Variants in TNNI3K observed in about 807,000 individuals in gnomAD.
TNNI3K encodes serine/threonine-protein kinase TNNI3K.
Under a neutral mutation model 114.5 loss-of-function variants are expected in TNNI3K, and 140 were observed. The observed-to-expected ratio is 1.22, with a 90% confidence interval of 1.07 to 1.41. TNNI3K has a LOEUF of 1.41. Among genes scored for constraint, TNNI3K ranks in the 40% most tolerant of loss-of-function variants. The pLI, the probability that TNNI3K is intolerant of heterozygous loss-of-function variation, is 0.00. For missense variants in TNNI3K, 1,125 were observed against 1,007.6 expected (o/e 1.12, Z -1.58); for synonymous variants, 347 against 347.5 (o/e 1.00, Z 0.02).
chr1:74,368,455 A>G (rs1570531991), intron 13 of TNNI3K, among the ~76,000 whole-genome samples: 1 of 152,018 alleles, frequency 6.6e-6, no homozygotes, highest in Non-Finnish European at 1.5e-5. Flanking sequence ...AATTCCAAAT[A>G]GTTTCCTTAG....
intron 17 of TNNI3K, among the ~76,000 whole-genome samples, chr1:74,431,229 G>A (rs1352492158): frequency 6.6e-6 from 1 of 152,044 alleles, no homozygotes; most frequent in African/African-American, 2.4e-5. Context: ...CACAGGACTA[G>A]TAACAGCAAA....
At chr1:74,534,488 T>C (rs1183699725) in intron 23 of TNNI3K, among the ~76,000 whole-genome samples, 1 of 152,106 alleles carries the variant, frequency 6.6e-6, no homozygotes, top group African/African-American at 2.4e-5. Context: ...AGGCTGTAGT[T>C]TGGAAGCCAC....
intron 19 of TNNI3K, chr1:74,439,157 TA>T (rs1029827088): frequency 1.1e-5 from 2 of 181,198 alleles, no homozygotes; most frequent in Non-Finnish European, 2.3e-5. Context: ...TTTATAGATT[TA>T]AAAAAATAAT....
intron 20 of TNNI3K, among the ~76,000 whole-genome samples, chr1:74,451,683 T>TTTTCTTTTCTTTTCCTTTC (rs1553148031): frequency 1.3e-5 from 1 of 76,216 alleles, no homozygotes; most frequent in Non-Finnish European, 2.8e-5. Context: ...TTTTCTTTTC[T>TTTTCTTTTCTTTTCCTTTC]TTTCTTTCTT....
intron 20 of TNNI3K, among the ~76,000 whole-genome samples, chr1:74,452,780 C>A (rs1368076060): frequency 1.3e-5 from 2 of 152,110 alleles, no homozygotes; most frequent in Non-Finnish European, 1.5e-5. Context: ...CCCTGCCTGC[C>A]TCCCCGGCCT....
chr1:74,509,541 C>T (rs1276410776), intron 23 of TNNI3K, among the ~76,000 whole-genome samples: 3 of 151,942 alleles, frequency 2.0e-5, no homozygotes, highest in Admixed American at 6.6e-5. Flanking sequence ...AAATCGTATA[C>T]TCTTTTCTTC....
chr1:74,516,302 T>G (rs566666715), intron 23 of TNNI3K, among the ~76,000 whole-genome samples: 1 of 152,302 alleles, frequency 6.6e-6, no homozygotes, highest in Admixed American at 6.5e-5. Flanking sequence ...CACTATTTAC[T>G]TGGATGGGGA....
intron 17 of TNNI3K, among the ~76,000 whole-genome samples, chr1:74,393,297 A>G (rs1420739558): frequency 6.6e-6 from 1 of 152,176 alleles, no homozygotes; most frequent in Non-Finnish European, 1.5e-5. Context: ...GAGCATAGAA[A>G]GGATTTGAAA....
intron 7 of TNNI3K, among the ~76,000 whole-genome samples, chr1:74,338,282 G>A (rs2034452): frequency 1 from 151,506 of 151,912 alleles, 75,552 homozygotes; most frequent in Middle Eastern, 1. Context: ...TTGGGAAAAA[G>A]AAAGCTTTAG....
intron 20 of TNNI3K, among the ~76,000 whole-genome samples, chr1:74,451,677 CTTTTCT>C (rs1667009679): frequency 2.9e-5 from 1 of 34,498 alleles, no homozygotes; most frequent in African/African-American, 1.0e-4. Flanking sequence ...CTTTTCTTTT[CTTTTCT>C]TTTCTTTCTT....
At chr1:74,490,980 TAAAGTGACTGTCTTGCTGCAAAATA>T (rs1669040646) in intron 22 of TNNI3K, among the ~76,000 whole-genome samples, 1 of 152,190 alleles carries the variant, frequency 6.6e-6, no homozygotes, top group Non-Finnish European at 1.5e-5. Context: ...AGTTAAAATA[TAAAGTGACTGTCTTGCTGCAAAATA>T]AAAGATATGA....
Position 74,436,096 on chromosome 1 carries a change from T to C in TNNI3K, c.1789T>C (p.Tyr597His), listed in dbSNP as rs199743346. 3 of 1,606,870 alleles carry C rather than the reference T, an allele frequency of 1.9e-6. No individual in the cohort carries two copies. The highest frequency in any genetic ancestry group is 1.7e-6 in the Non-Finnish European group (2 of 1,177,278). Residue 597 changes from tyrosine (Y) to histidine (H), a missense_variant, in exon 18 of 25, where the codon TAT becomes CAT. Transcript: ENST00000326637. ...TTTTTACAGTCACAATATTCTTCTC[T>C]ATGAGGATGGGCATGCTGTGGTGGC... is the stretch of plus-strand genomic sequence containing the variant. ...RDLNSHNILLYEDGHAVVADF... is the reference protein window; with the variant it reads ...RDLNSHNILLHEDGHAVVADF...
intron 4 of TNNI3K, among the ~76,000 whole-genome samples, chr1:74,254,584 T>G (rs1236815030): frequency 1.3e-4 from 20 of 152,178 alleles, no homozygotes; most frequent in Admixed American, 1.2e-3. Context: ...TTCATAACAC[T>G]CACAAAATGA....
Position 74,480,145 on chromosome 1 carries a change from C to T in TNNI3K, c.2122-9044C>T, listed in dbSNP as rs151235167. The T allele has an allele frequency of 8.4e-4, 602 of 712,442 alleles. 7 individuals carry two copies. The East Asian group carries it at 0.014, about 16-fold the overall frequency. 44.1% of individuals were successfully genotyped at this position (712,442 alleles called of 1,614,324 possible). A position where few individuals can be genotyped will look rare whatever the true frequency, so the allele number is the denominator to read the frequency against. ...GAAAAGAGGAGGGCACACTTCTCCC[C>T]GGCATACCTGCGAAGCCAAGGACAG... On this transcript the variant is annotated intron_variant, in intron 21 of 24. Coordinates refer to ENST00000326637, the MANE Select transcript of TNNI3K (RefSeq NM_015978.3).
At position 74,351,796 on chromosome 1, in the gene TNNI3K, G is replaced by A. The variant is rs552025797; in HGVS notation, c.933-1470G>A. ...CTTGTGCATTCGTCACGTAGTTTTC[G>A]TGCCATGGTTTTCAGCTCCATCAGG... On this transcript the variant is annotated intron_variant, in intron 9 of 24. Coordinates refer to ENST00000326637, the MANE Select transcript of TNNI3K (RefSeq NM_015978.3). 6.6e-5 allele frequency among the ~76,000 whole-genome samples: 10 copies of A among 151,650 alleles called. No individual in the cohort carries two copies. The South Asian group carries it at 1.3e-3, about 19-fold the overall frequency.
intron 4 of TNNI3K, among the ~76,000 whole-genome samples, chr1:74,260,626 T>C (rs1168065648): frequency 6.6e-6 from 1 of 152,132 alleles, no homozygotes; most frequent in East Asian, 1.9e-4. Context: ...AAATTAACCA[T>C]TATTGTTGTT....
At chr1:74,368,108 A>T in intron 13 of TNNI3K, 144 bp downstream of exon 13, 3 of 729,952 alleles carry the variant, frequency 4.1e-6, no homozygotes, top group Non-Finnish European at 6.2e-6. Context: ...CGTTCTTTTC[A>T]TAATTAACCT....
intron 5 of TNNI3K, among the ~76,000 whole-genome samples, chr1:74,292,767 T>G (rs1468247465): frequency 2.1e-5 from 3 of 141,580 alleles, no homozygotes; most frequent in Non-Finnish European, 5.0e-5. Flanking sequence ...CTTGTTGGCT[T>G]TATCAATTTT....
At chr1:74,375,502 G>T (rs1229898417) in intron 17 of TNNI3K, 1 of 450,012 alleles carries the variant, frequency 2.2e-6, no homozygotes, top group Non-Finnish European at 4.5e-6. Flanking sequence ...AACCTCCCCA[G>T]ATTGCTTCTG....
Sources: allele counts gnomAD v4.1 joint callset (sites outside exome capture counted in the v4.1 genomes callset), GRCh38; gene constraint gnomAD v4.1.1; transcripts MANE v1.5; gene names NCBI Gene and HGNC (gene_info 2026-07-23, HGNC 2026-07-21).